Variants in CIT observed in about 807,000 individuals in gnomAD.
The protein encoded by CIT is citron Rho-interacting kinase.
A neutral mutation model predicts 272.7 loss-of-function variants in CIT; 79 were observed. The observed-to-expected ratio is 0.29, with a 90% CI of 0.24 to 0.35. The LOEUF (loss-of-function observed/expected upper bound fraction) is 0.35. Among genes scored for constraint, CIT ranks in the 10% least tolerant of loss-of-function variants. The pLI is 1.00. For synonymous variants in CIT, 948 were observed against 995.6 expected, an observed-to-expected ratio of 0.95 and a Z score of 0.90; for missense variants, 1,909 against 2,618.3, an observed-to-expected ratio of 0.73 and a Z score of 5.91.
chr12:119,781,362 C>T (rs1004983961), intron 13 of CIT, among the ~76,000 whole-genome samples: 21 of 152,164 alleles, frequency 1.4e-4, no homozygotes, highest in Admixed American at 6.5e-5. Context: ...GACAGTAATT[C>T]TTTTTTTAAA....
chr12:119,823,764 G>A (rs1218218373), intron 8 of CIT, among the ~76,000 whole-genome samples: 1 of 152,056 alleles, frequency 6.6e-6, no homozygotes, highest in East Asian at 1.9e-4. Context: ...CACAGGCTAG[G>A]CACAGTGGCT....
At chr12:119,759,269 A>C (rs1308390040) in intron 20 of CIT, among the ~76,000 whole-genome samples, 3 of 152,258 alleles carry the variant, frequency 2.0e-5, no homozygotes, top group African/African-American at 7.2e-5. Context: ...CTGTGGGATC[A>C]GTGGCATTAG....
chr12:119,875,422 T>C (rs531596939), intron 2 of CIT, among the ~76,000 whole-genome samples: 1 of 152,290 alleles, frequency 6.6e-6, no homozygotes, highest in African/African-American at 2.4e-5. Context: ...ACAGTGTCTT[T>C]TTTCCAAAAG....
At chr12:119,797,395 G>A (rs1017401343) in intron 10 of CIT, among the ~76,000 whole-genome samples, 1 of 152,216 alleles carries the variant, frequency 6.6e-6, no homozygotes, top group Non-Finnish European at 1.5e-5. Context: ...AGAACAAGCT[G>A]TGCTTGGCTA....
intron 17 of CIT, 53 bp downstream of exon 17, chr12:119,772,717 G>T: frequency 4.0e-6 from 6 of 1,506,588 alleles, no homozygotes; most frequent in South Asian, 1.3e-5. Context: ...CTTTCCTTGG[G>T]CACAGCCAAA....
At position 119,690,428 on chromosome 12, in the gene CIT, G is replaced by C; in HGVS notation, c.5909C>G (p.Thr1970Arg). Residue 1970 changes from threonine (T) to arginine (R), a missense_variant, in exon 47 of 48, where the codon ACG becomes AGG. This residue lies in a region of CIT where 780 missense variants were observed against 1,067.2 expected (regional missense o/e 0.73). Transcript: ENST00000392521. The surrounding 1 kb of genome is among the most constrained non-coding windows in gnomAD (Gnocchi z 6.0). The part of the protein sequence containing the change: ...RSSPNKRGPP[T>R]YNEHITKRVA... ...GCGCTTGGTGATGTGCTCGTTGTACGTGGGTGGGCCTCGCTTGTTGGGGCT... is the reference window on the plus strand; with the variant it reads ...GCGCTTGGTGATGTGCTCGTTGTACCTGGGTGGGCCTCGCTTGTTGGGGCT... The C allele has an allele frequency of 6.3e-7, 1 of 1,594,370 alleles. No individual in the cohort carries two copies. Among genetic ancestry groups the C allele is most frequent in the East Asian group, 2.3e-5 (1 of 44,438 alleles).
chr12:119,730,761 C>G, intron 26 of CIT, 131 bp from the exon 27 acceptor site: 1 of 887,172 alleles, frequency 1.1e-6, no homozygotes, highest in Non-Finnish European at 1.7e-6. Context: ...AACCTTGACT[C>G]TTAGTTCCAA....
intron 10 of CIT, among the ~76,000 whole-genome samples, chr12:119,785,811 C>A (rs1320908216): frequency 6.6e-6 from 1 of 152,102 alleles, no homozygotes. Flanking sequence ...AACTCCTGAC[C>A]TCAAGTGATC....
chr12:119,794,401 T>C (rs1309362883), intron 10 of CIT, among the ~76,000 whole-genome samples: 5 of 152,238 alleles, frequency 3.3e-5, no homozygotes, highest in East Asian at 1.9e-4. Context: ...GCTGCATGTA[T>C]GCTGGCATGA....
intron 15 of CIT, among the ~76,000 whole-genome samples, 158 bp downstream of exon 15, chr12:119,776,200 T>C (rs968866105): frequency 4.6e-5 from 7 of 152,214 alleles, no homozygotes; most frequent in Admixed American, 2.0e-4. Context: ...TAAAGTCATA[T>C]GTGGTCACCC....
chr12:119,769,271 G>C (rs1312217741), intron 18 of CIT, among the ~76,000 whole-genome samples: 1 of 152,152 alleles, frequency 6.6e-6, no homozygotes, highest in Non-Finnish European at 1.5e-5. Flanking sequence ...TTAATTGTAA[G>C]TGAACCTTAG....
At chr12:119,847,756 T>C (rs1306739068) in intron 5 of CIT, among the ~76,000 whole-genome samples, 2 of 151,884 alleles carry the variant, frequency 1.3e-5, no homozygotes, top group African/African-American at 4.8e-5. Flanking sequence ...CAGGGCGTGG[T>C]GTCATGCACC....
rs1957219836 is a variant in CIT at position 119,712,547 on chromosome 12, G to A, written c.4684+44C>T. On this transcript the variant is annotated intron_variant, in intron 36 of 47. Coordinates refer to ENST00000392521, the MANE Select transcript of CIT (RefSeq NM_001206999.2). This position sits in a 1 kb window ranked among gnomAD's most constrained non-coding sequence, Gnocchi z 5.2. ...CCTTCTGTCCCTGCTGATTGGCCAA[G>A]CCCGGCCCACCTCCAGGGCGGGGCT... 6.3e-7 allele frequency: 1 copy of A among 1,579,948 alleles called. No individual in the cohort carries two copies. Among genetic ancestry groups the A allele is most frequent in the Non-Finnish European group, 8.7e-7 (1 of 1,149,664 alleles).
rs1950589394 is a variant in CIT, at chr12:119,868,958, G to C, written c.238+102C>G. The C allele has an allele frequency of 1.2e-5, 16 of 1,386,214 alleles. No individual in the cohort carries two copies. The South Asian group carries it at 1.9e-4, about 16-fold the overall frequency. 85.9% of individuals were successfully genotyped at this position (1,386,214 alleles called of 1,614,324 possible). On this transcript the variant is annotated intron_variant, in intron 3 of 47. Coordinates refer to ENST00000392521, the MANE Select transcript of CIT (RefSeq NM_001206999.2). ...TGGATCTGTCTTATATAGAACCAGA[G>C]TTCTTACCGACTACTATCAACCAGT...
At chr12:119,817,372 C>A (rs905753930) in intron 9 of CIT, among the ~76,000 whole-genome samples, 3 of 152,100 alleles carry the variant, frequency 2.0e-5, no homozygotes, top group East Asian at 3.9e-4. Flanking sequence ...ATTAGCCGGG[C>A]GTGTTGGCGG....
At chr12:119,725,808 T>C (rs1321736103) in intron 28 of CIT, among the ~76,000 whole-genome samples, 1 of 152,242 alleles carries the variant, frequency 6.6e-6, no homozygotes, top group Non-Finnish European at 1.5e-5. Context: ...ACTCGCCCTC[T>C]CAGAAGGAAA....
intron 7 of CIT, among the ~76,000 whole-genome samples, chr12:119,826,413 C>T (rs1968164648): frequency 6.6e-6 from 1 of 151,928 alleles, no homozygotes; most frequent in Non-Finnish European, 1.5e-5. Flanking sequence ...TCCTTTTTTT[C>T]TGAGAATTTG....
In CIT at chr12:119,712,762, A is replaced by AGAGCGAGAGAGACAGCAAGG; in HGVS notation, c.4580-87_4580-68dup. 1 of 1,304,252 alleles carries AGAGCGAGAGAGACAGCAAGG rather than the reference A, an allele frequency of 7.7e-7. No individual in the cohort carries two copies. 80.8% of individuals were successfully genotyped at this position (1,304,252 alleles called of 1,614,324 possible). A position where few individuals can be genotyped will look rare whatever the true frequency, so the allele number is the denominator to read the frequency against. On this transcript the variant is annotated intron_variant, in intron 35 of 47. Coordinates refer to ENST00000392521, the MANE Select transcript of CIT (RefSeq NM_001206999.2). This position sits in a 1 kb window ranked among gnomAD's most constrained non-coding sequence, Gnocchi z 5.2. ...AGGAACAAGAACAAGGGGAGAAGAG[A>AGAGCGAGAGAGACAGCAAGG]GAGCGAGAGAGACAGCAAGGGAGAG...
intron 5 of CIT, among the ~76,000 whole-genome samples, chr12:119,845,943 AACACACAC>A (rs58381184): frequency 2.3e-4 from 32 of 137,054 alleles, no homozygotes; most frequent in African/African-American, 5.9e-4. Context: ...TCCATCTCAA[AACACACAC>A]ACACACACAC....
Sources: allele counts gnomAD v4.1 joint callset (sites outside exome capture counted in the v4.1 genomes callset), GRCh38; gene constraint gnomAD v4.1.1; regional missense constraint gnomAD v4.1.1; non-coding constraint Gnocchi (gnomAD v3.1); transcripts MANE v1.5; gene names NCBI Gene and HGNC (gene_info 2026-07-23, HGNC 2026-07-21).